Variants in ABHD17A observed in about 807,000 individuals in gnomAD.
ABHD17A encodes alpha/beta hydrolase domain-containing protein 17A.
A neutral mutation model predicts 26.8 loss-of-function variants in ABHD17A; 10 were observed. That is an observed-to-expected ratio of 0.37 (90% CI 0.23 to 0.63). The LOEUF (loss-of-function observed/expected upper bound fraction) is 0.63, where lower values mean the gene tolerates loss of function less well. Ranked by LOEUF, ABHD17A falls within the 30% of genes least tolerant of loss-of-function variation. The pLI is 0.61. For synonymous variants in ABHD17A, 167 were observed against 210.9 expected (o/e 0.79, Z 1.80); for missense variants, 292 against 457.3 (o/e 0.64, Z 3.30).
rs1267691853 is a variant in ABHD17A, at chr19:1,876,821, GACCC to G, written c.*375_*378del. 15 of 248,444 alleles carry G rather than the reference GACCC, an allele frequency of 6.0e-5. No homozygotes were observed. The highest frequency in any genetic ancestry group is 1.0e-4 in the Non-Finnish European group (13 of 126,286). 15.4% of individuals were successfully genotyped at this position (248,444 alleles called of 1,614,324 possible). ...CTAAGGGCTCCCCGGACTAGACAGAGACCCACCCCACTTCCGCAGAGTAAAACCT... is the reference window on the plus strand; with the variant it reads ...CTAAGGGCTCCCCGGACTAGACAGAGACCCCACTTCCGCAGAGTAAAACCT... On this transcript the variant is annotated 3_prime_UTR_variant, in exon 5 of 5. Coordinates refer to ENST00000292577, the MANE Select transcript of ABHD17A (RefSeq NM_001130111.2).
chr19:1,883,269 T>A (rs1205202921), intron 1 of ABHD17A: 1 of 152,278 alleles, frequency 6.6e-6, no homozygotes, highest in Non-Finnish European at 1.5e-5. Context: ...CCTGTCAATG[T>A]CTGGACACAG....
In ABHD17A at chr19:1,876,943, T is replaced by G; in HGVS notation, c.*257A>C. ...CGAGCTCGCTGAGCGCTCGAGAGAG[T>G]GAGCAGAGCCATGAAAGGAAGGAGA... On this transcript the variant is annotated 3_prime_UTR_variant, in exon 5 of 5. Transcript: ENST00000292577. 2.0e-6 allele frequency: 1 copy of G among 508,208 alleles called. No individual in the cohort carries two copies. The highest frequency in any genetic ancestry group is 3.5e-6 in the Non-Finnish European group (1 of 283,258). The allele number at this position is 508,208 out of a possible 1,614,324, so 31.5% of individuals were successfully genotyped here. A position where few individuals can be genotyped will look rare whatever the true frequency, so the allele number is the denominator to read the frequency against.
Position 1,881,308 on chromosome 19 carries a change from C to T in ABHD17A, c.259G>A (p.Glu87Lys), listed in dbSNP as rs763276028. Residue 87 changes from glutamate (E) to lysine (K), a missense_variant, in exon 2 of 5, where the codon GAG becomes AAG. Physicochemically the swap from Glu to Lys is moderately conservative, Grantham distance 56. Transcript: ENST00000292577. ...CGGGCGCTCTTGGTGGGGAAGACCT[C>T]GATGGTGTCCAGCTCGCGCTGGCTG... ...QYSQRELDTI[E>K]VFPTKSARGN... The T allele has an allele frequency of 2.0e-5, 32 of 1,610,796 alleles. No individual in the cohort carries two copies. Among genetic ancestry groups the T allele is most frequent in the Non-Finnish European group, 2.4e-5 (28 of 1,179,700 alleles).
At position 1,881,469 on chromosome 19, in the gene ABHD17A, G is replaced by C. The variant is rs530031473; in HGVS notation, c.98C>G (p.Ala33Gly). The change falls in exon 2 of 5, where the codon GCC becomes GGC. Residue 33 changes from alanine to glycine, a missense_variant. Ala to Gly is a moderately conservative substitution (Grantham distance 60). This residue lies in a region of ABHD17A where 171 missense variants were observed against 216.1 expected (regional missense o/e 0.79). Coordinates refer to ENST00000292577, the MANE Select transcript of ABHD17A (RefSeq NM_001130111.2). ...AAKLAFLPPE[A>G]TYSLVPEPEP... ...GGGCTCAGGCACCAGGGAGTAGGTG[G>C]CCTCCGGCGGCAGGAAGGCGAGCTT... The C allele has an allele frequency of 9.4e-6, 15 of 1,602,628 alleles. No homozygotes were observed. The East Asian group carries it at 3.3e-4, about 36-fold the overall frequency.
intron 1 of ABHD17A, chr19:1,883,360 A>T (rs2012592461): frequency 1.3e-5 from 2 of 152,370 alleles, no homozygotes; most frequent in Admixed American, 6.6e-5. Context: ...CCAAAGAATG[A>T]TCAGGCCCAA....
In ABHD17A at chr19:1,880,555, C is replaced by T. The variant is rs1370064984; in HGVS notation, c.333-440G>A. On this transcript the variant is annotated intron_variant, in intron 2 of 4. Coordinates refer to ENST00000292577, the MANE Select transcript of ABHD17A (RefSeq NM_001130111.2). The surrounding 1 kb of genome is among the most constrained non-coding windows in gnomAD (Gnocchi z 4.1). ...CCTTTCAGGACCTTCCCAGGGGAGC[C>T]CATGCTGCTGCTGGCAGGGCTATCT... Among the ~76,000 whole-genome samples, 5 of 152,324 alleles carry T rather than the reference C, an allele frequency of 3.3e-5. No individual in the cohort carries two copies. Among genetic ancestry groups the T allele is most frequent in the South Asian group, 2.1e-4 (1 of 4,828 alleles).
In ABHD17A at chr19:1,880,973, C is replaced by G. The variant is rs771236994; in HGVS notation, c.332+262G>C. 6.2e-7 allele frequency: 1 copy of G among 1,612,604 alleles called. No homozygotes were observed. The highest frequency in any genetic ancestry group is 8.5e-7 in the Non-Finnish European group (1 of 1,179,624). On this transcript the variant is annotated intron_variant, in intron 2 of 4. Coordinates refer to ENST00000292577, the MANE Select transcript of ABHD17A (RefSeq NM_001130111.2). This position sits in a 1 kb window ranked among gnomAD's most constrained non-coding sequence, Gnocchi z 4.1. ...TCTTGCCCAGCAGGCAACCACCAGG[C>G]GCTGGGTTGTTGGAGTCGCCCAGCC...
chr19:1,881,980 G>A (rs1396373786), intron 1 of ABHD17A, 176 bp from the exon 2 acceptor site: 1 of 181,228 alleles, frequency 5.5e-6, no homozygotes, highest in Non-Finnish European at 1.1e-5. Context: ...CAGCTCAGGG[G>A]ACCCCAATTC....
Position 1,877,293 on chromosome 19 carries a change from C to G in ABHD17A, c.840G>C (p.Glu280Asp). The G allele has an allele frequency of 6.5e-7, 1 of 1,534,228 alleles. No individual in the cohort carries two copies. The highest frequency in any genetic ancestry group is 1.2e-5 in the South Asian group (1 of 84,420). ...GCTCGATGTCGTTGTGCCCGGCGCCCTCCACCCACAGCGGCTCCACCGCCT... is the reference window on the plus strand; with the variant it reads ...GCTCGATGTCGTTGTGCCCGGCGCCGTCCACCCACAGCGGCTCCACCGCCT... ...CPKAVEPLWVEGAGHNDIELY... is the reference protein window; with the variant it reads ...CPKAVEPLWVDGAGHNDIELY... The change falls in exon 5 of 5, where the codon GAG becomes GAC. Residue 280 changes from glutamate to aspartate, a missense_variant. Around this residue, in one of 4 missense-constraint regions of ABHD17A, gnomAD observed 88 missense variants for 134.3 expected, o/e 0.66. Coordinates refer to ENST00000292577, the MANE Select transcript of ABHD17A (RefSeq NM_001130111.2).
chr19:1,881,477 C>T lies in ABHD17A; in HGVS notation c.90G>A (p.Pro30=), dbSNP rs1436301012. The T allele has an allele frequency of 9.4e-6, 15 of 1,602,882 alleles. No individual in the cohort carries two copies. The highest frequency in any genetic ancestry group is 1.2e-5 in the Non-Finnish European group (14 of 1,178,214). Residue 30 remains proline, a synonymous_variant, in exon 2 of 5, where the codon CCG becomes CCA. Transcript: ENST00000292577. ...GRIAAKLAFL[P]PEATYSLVPE... ...GCACCAGGGAGTAGGTGGCCTCCGG[C>T]GGCAGGAAGGCGAGCTTGGCAGCGA...
chr19:1,882,126 GC>G (rs1452152507), intron 1 of ABHD17A: 1 of 153,002 alleles, frequency 6.5e-6, no homozygotes, highest in Admixed American at 6.5e-5. Context: ...CCCCCGAAAC[GC>G]CCGGCTCCAG....
chr19:1,879,905 C>G lies in ABHD17A; in HGVS notation c.527+16G>C, dbSNP rs769755203. On this transcript the variant is annotated intron_variant, in intron 3 of 4. Transcript: ENST00000292577. This position sits in a 1 kb window ranked among gnomAD's most constrained non-coding sequence, Gnocchi z 7.6. ...TGGGTGTGCCCAGGCTGAGCTGCCCCCAGGGTCGCCCTCACCTGGTGCGCA... is the reference window on the plus strand; with the variant it reads ...TGGGTGTGCCCAGGCTGAGCTGCCCGCAGGGTCGCCCTCACCTGGTGCGCA... 11 of 1,585,282 alleles carry G rather than the reference C, an allele frequency of 6.9e-6. No individual in the cohort carries two copies. The highest frequency in any genetic ancestry group is 1.3e-5 in the African/African-American group (1 of 74,402).
Position 1,880,801 on chromosome 19 carries a change from C to T in ABHD17A, c.332+434G>A. The stretch of plus-strand genomic sequence containing the variant: ...GAGCAGGTGGCCAGGCTGGCCCTGC[C>T]ATGGACTGCTTCCTCCAGTTCCCCC... On this transcript the variant is annotated intron_variant, in intron 2 of 4. Coordinates refer to ENST00000292577, the MANE Select transcript of ABHD17A (RefSeq NM_001130111.2). The surrounding 1 kb of genome is among the most constrained non-coding windows in gnomAD (Gnocchi z 4.1). The T allele has an allele frequency of 2.6e-6, 4 of 1,549,872 alleles. No homozygotes were observed. The East Asian group carries it at 6.8e-5, about 26-fold the overall frequency.
intron 1 of ABHD17A, among the ~76,000 whole-genome samples, chr19:1,884,270 G>A (rs1034531860): frequency 4.6e-5 from 7 of 152,132 alleles, no homozygotes; most frequent in Non-Finnish European, 8.8e-5. Flanking sequence ...AGCACAGGAG[G>A]AAAAGAATCC....
In ABHD17A at chr19:1,881,229, G is replaced by T; in HGVS notation, c.332+6C>A. The T allele has an allele frequency of 6.2e-7, 1 of 1,610,816 alleles. No individual in the cohort carries two copies. Among genetic ancestry groups the T allele is most frequent in the Non-Finnish European group, 8.5e-7 (1 of 1,179,678 alleles). On this transcript the variant is annotated splice_donor_region_variant and intron_variant, in intron 2 of 4. Transcript: ENST00000292577. ...ACCCAGCCCAGGCGCGGCCACAGCT[G>T]CTCACCTGGCACCAGGCACGCAGCG... is the stretch of plus-strand genomic sequence containing the variant.
At chr19:1,884,771 G>A (rs1390209088) in intron 1 of ABHD17A, among the ~76,000 whole-genome samples, 1 of 151,744 alleles carries the variant, frequency 6.6e-6, no homozygotes, top group Non-Finnish European at 1.5e-5. Context: ...AGCCTGGGAC[G>A]GGTGAGGTCG....
chr19:1,884,364 T>A (rs975737420), intron 1 of ABHD17A, among the ~76,000 whole-genome samples: 12 of 152,116 alleles, frequency 7.9e-5, no homozygotes, highest in African/African-American at 2.9e-4. Context: ...CTCCCTAGTG[T>A]CACTAATGGG....
At chr19:1,877,853 GC>G (rs1437354758) in intron 3 of ABHD17A, 166 bp from the exon 4 acceptor site, 5 of 631,492 alleles carry the variant, frequency 7.9e-6, no homozygotes, top group Non-Finnish European at 1.3e-5. Flanking sequence ...GCCACCCCCA[GC>G]CCCCAACACC....
At position 1,880,780 on chromosome 19, in the gene ABHD17A, A is replaced by G; in HGVS notation, c.332+455T>C. Reference sequence around the variant, plus strand: ...AGCTGCCCCAGGTGGTGCCAGGAGCAGGTGGCCAGGCTGGCCCTGCCATGG... The same window carrying G: ...AGCTGCCCCAGGTGGTGCCAGGAGCGGGTGGCCAGGCTGGCCCTGCCATGG... On this transcript the variant is annotated intron_variant, in intron 2 of 4. Coordinates refer to ENST00000292577, the MANE Select transcript of ABHD17A (RefSeq NM_001130111.2). The surrounding 1 kb of genome is among the most constrained non-coding windows in gnomAD (Gnocchi z 4.1). 7.0e-7 allele frequency: 1 copy of G among 1,434,322 alleles called. No homozygotes were observed. The highest frequency in any genetic ancestry group is 9.5e-7 in the Non-Finnish European group (1 of 1,056,644). 88.8% of individuals were successfully genotyped at this position (1,434,322 alleles called of 1,614,324 possible). A position where few individuals can be genotyped will look rare whatever the true frequency, so the allele number is the denominator to read the frequency against.
Sources: gnomAD v4.1 joint callset for allele counts (sites outside exome capture counted in the v4.1 genomes callset) on GRCh38, gnomAD v4.1.1 for gene constraint, gnomAD v4.1.1 regional missense constraint, Gnocchi (gnomAD v3.1) non-coding constraint, MANE v1.5 for transcripts, NCBI Gene and HGNC (gene_info 2026-07-23, HGNC 2026-07-21) for gene names.